Variants in LOXL2 observed in about 807,000 individuals in gnomAD.
The protein encoded by LOXL2 is lysyl oxidase homolog 2.
Under a neutral mutation model 93.0 loss-of-function variants are expected in LOXL2, and 70 were observed. That is an observed-to-expected ratio of 0.75 (90% CI 0.62 to 0.92). The LOEUF (loss-of-function observed/expected upper bound fraction) is 0.92. LOXL2 is among the 40% of genes least tolerant of loss of function. The pLI, the probability that LOXL2 is intolerant of heterozygous loss-of-function variation, is 0.00. For missense variants in LOXL2, 973 were observed against 1,054.9 expected, an observed-to-expected ratio of 0.92 and a Z score of 1.08; for synonymous variants, 438 against 413.2, an observed-to-expected ratio of 1.06 and a Z score of -0.73.
chr8:23,341,564 GAA>G (rs1302492989), intron 3 of LOXL2: 3 of 335,892 alleles, frequency 8.9e-6, no homozygotes. Context: ...GCACAGGAGA[GAA>G]AGTGTTCTTT....
At chr8:23,368,509 T>C in intron 1 of LOXL2, 75 bp from the exon 2 acceptor site, 1 of 636,524 alleles carries the variant, frequency 1.6e-6, no homozygotes, top group Non-Finnish European at 2.8e-6. Context: ...AGCGATTTCA[T>C]ACCCCTTGGC....
intron 4 of LOXL2, among the ~76,000 whole-genome samples, chr8:23,339,916 G>A (rs1434567514): frequency 6.6e-6 from 1 of 152,232 alleles, no homozygotes; most frequent in Non-Finnish European, 1.5e-5. Flanking sequence ...TCCAGGCAGG[G>A]CTGGGCCAGG....
rs571462037 is a variant in LOXL2, at chr8:23,389,512, T to A, written c.-84+14442A>T. Among the ~76,000 whole-genome samples the A allele has an allele frequency of 2.6e-5, 4 of 152,320 alleles. No individual in the cohort carries two copies. In the East Asian group the frequency reaches 7.7e-4, roughly 29 times the overall value. On this transcript the variant is annotated intron_variant, in intron 1 of 13. Transcript: ENST00000389131. Reference sequence around the variant, plus strand: ...GACCTCTGATCAATGACACTTGACCTTGTGGCACGCAGTCGAATAATGCCC... The same window carrying A: ...GACCTCTGATCAATGACACTTGACCATGTGGCACGCAGTCGAATAATGCCC...
chr8:23,390,589 G>A (rs1361973968), intron 1 of LOXL2, among the ~76,000 whole-genome samples: 1 of 152,218 alleles, frequency 6.6e-6, no homozygotes, highest in African/African-American at 2.4e-5. Context: ...GGCTCTGGGT[G>A]GAATCTCATT....
chr8:23,342,991 TC>T (rs1404925315), intron 3 of LOXL2, among the ~76,000 whole-genome samples: 3 of 152,170 alleles, frequency 2.0e-5, no homozygotes, highest in Non-Finnish European at 4.4e-5. Flanking sequence ...CCTCAAGGCA[TC>T]CTCCCACCTC....
At chr8:23,366,804 T>G (rs986269312) in intron 2 of LOXL2, among the ~76,000 whole-genome samples, 1 of 152,180 alleles carries the variant, frequency 6.6e-6, no homozygotes. Context: ...AACTCTTAGC[T>G]CCTGGAAAAA....
At chr8:23,309,981 AGC>A in intron 9 of LOXL2, 70 bp from the exon 10 acceptor site, 1 of 1,392,498 alleles carries the variant, frequency 7.2e-7, no homozygotes, top group Non-Finnish European at 9.4e-7. Flanking sequence ...CTGATTCTTG[AGC>A]TGGGACAAAC....
At chr8:23,401,356 T>C (rs1010551875) in intron 1 of LOXL2, among the ~76,000 whole-genome samples, 1 of 152,252 alleles carries the variant, frequency 6.6e-6, no homozygotes, top group Non-Finnish European at 1.5e-5. Flanking sequence ...AATGCTTAAA[T>C]ATAGACTGCT....
In LOXL2 at chr8:23,307,953, GAAAAAAAAA is replaced by G. The variant is rs1554475672; in HGVS notation, c.1880+1706_1880+1714del. On this transcript the variant is annotated intron_variant, in intron 10 of 13. Transcript: ENST00000389131. Reference sequence around the variant, plus strand: ...GTGACTAGGTCATCAGCTGCGATATGAAAAAAAAAAAAAAAAAAAAGCCAAAGATAGATT... The same window carrying G: ...GTGACTAGGTCATCAGCTGCGATATGAAAAAAAAAAAGCCAAAGATAGATT... Among the ~76,000 whole-genome samples, 40 of 83,556 alleles carry G rather than the reference GAAAAAAAAA, an allele frequency of 4.8e-4. 2 individuals carry two copies. Among genetic ancestry groups the G allele is most frequent in the African/African-American group, 1.8e-3 (38 of 21,114 alleles). The allele number at this position is 83,556 out of a possible 152,430, so 54.8% of individuals were successfully genotyped here.
At chr8:23,384,111 A>C (rs571011040) in intron 1 of LOXL2, among the ~76,000 whole-genome samples, 35 of 152,356 alleles carry the variant, frequency 2.3e-4, no homozygotes, top group Middle Eastern at 3.4e-3. Context: ...TGTATAGTAA[A>C]GGCAGTAGGC....
intron 10 of LOXL2, among the ~76,000 whole-genome samples, chr8:23,305,034 C>T (rs1378100790): frequency 6.6e-6 from 1 of 152,180 alleles, no homozygotes; most frequent in Non-Finnish European, 1.5e-5. Context: ...GCCCGGGTTC[C>T]ACTGAGAACA....
chr8:23,382,581 TTC>T (rs1804695777), intron 1 of LOXL2: 1 of 151,916 alleles, frequency 6.6e-6, no homozygotes, highest in Non-Finnish European at 1.5e-5. Context: ...AGGAGAAACT[TTC>T]TGACTTTATC....
At position 23,333,420 on chromosome 8, in the gene LOXL2, C is replaced by T. The variant is rs778349015; in HGVS notation, c.947G>A (p.Arg316Gln). The change falls in exon 5 of 14, where the codon CGG (arginine) becomes CAG (glutamine). Residue 316 changes from arginine to glutamine, a missense_variant. Transcript: ENST00000389131. Reference protein sequence around the residue: ...VFSPDGPSRFRKAYKPEQPLV... With the variant: ...VFSPDGPSRFQKAYKPEQPLV... Reference sequence around the variant, plus strand: ...CCTCACCTCTGGCTTGTACGCTTTCCGGAATCTTGAGGGTCCGTCAGGGCT... The same window carrying T: ...CCTCACCTCTGGCTTGTACGCTTTCTGGAATCTTGAGGGTCCGTCAGGGCT... The T allele has an allele frequency of 1.5e-5, 24 of 1,613,708 alleles. No homozygotes were observed. The highest frequency in any genetic ancestry group is 1.0e-4 in the Admixed American group (6 of 60,006).
chr8:23,307,655 T>C (rs1289939788), intron 10 of LOXL2, among the ~76,000 whole-genome samples: 1 of 152,140 alleles, frequency 6.6e-6, no homozygotes, highest in Non-Finnish European at 1.5e-5. Flanking sequence ...CTTCTGCTTA[T>C]AGACCCATAG....
chr8:23,328,663 AG>A, intron 5 of LOXL2, 98 bp from the exon 6 acceptor site: 2 of 1,155,666 alleles, frequency 1.7e-6, no homozygotes, highest in South Asian at 2.6e-5. Context: ...CCCTGTTCCC[AG>A]GCCAGGCACT....
At position 23,368,106 on chromosome 8, in the gene LOXL2, G is replaced by A. The variant is rs753370841; in HGVS notation, c.246C>T (p.Thr82=). The A allele has an allele frequency of 6.8e-6, 11 of 1,614,082 alleles. No homozygotes were observed. In the African/African-American group the frequency reaches 8.0e-5, roughly 12 times the overall value. The change falls in exon 2 of 14, where the codon ACC becomes ACT. Residue 82 remains threonine (T), a synonymous_variant. Coordinates refer to ENST00000389131, the MANE Select transcript of LOXL2 (RefSeq NM_002318.3). ...VEVYYDGQWG[T]VCDDDFSIHA... is the part of the protein sequence containing the mutation. ...GGATGGAGAAGTCGTCATCGCACAC[G>A]GTGCCCCACTGGCCATCATAGTACA...
At chr8:23,368,815 G>A (rs1804454799) in intron 1 of LOXL2, among the ~76,000 whole-genome samples, 1 of 151,946 alleles carries the variant, frequency 6.6e-6, no homozygotes, top group African/African-American at 2.4e-5. Flanking sequence ...AAGGGAGCCT[G>A]CGGGGGTGAG....
intron 7 of LOXL2, among the ~76,000 whole-genome samples, chr8:23,320,834 G>A (rs74577495): frequency 6.6e-6 from 1 of 152,140 alleles, no homozygotes; most frequent in African/African-American, 2.4e-5. Flanking sequence ...CTTGAGCCCA[G>A]AAGTTTCAGG....
chr8:23,318,425 GCACACACACACACACACA>G (rs59051890), intron 8 of LOXL2, among the ~76,000 whole-genome samples: 4 of 145,750 alleles, frequency 2.7e-5, no homozygotes, highest in Admixed American at 6.8e-5. Flanking sequence ...TTGGTTGATA[GCACACACACACACACACA>G]CACACACACA....
Sources: allele counts gnomAD v4.1 joint callset (sites outside exome capture counted in the v4.1 genomes callset), GRCh38; gene constraint gnomAD v4.1.1; transcripts MANE v1.5; gene names NCBI Gene and HGNC (gene_info 2026-07-23, HGNC 2026-07-21).